TANC2: variants seen among roughly 807,000 people sequenced by gnomAD.
TANC2 encodes the protein protein TANC2.
TANC2 carries 26 observed loss-of-function variants against 210.5 expected under a neutral mutation model. The observed-to-expected ratio is 0.12, with a 90% CI of 0.09 to 0.17. The LOEUF is 0.17. Ranked by LOEUF, TANC2 falls within the 10% of genes least tolerant of loss-of-function variation. TANC2 has a pLI of 1.00. For missense variants in TANC2, 2,129 were observed against 2,608.9 expected, an observed-to-expected ratio of 0.82 and a Z score of 4.01; for synonymous variants, 931 against 967.1, an observed-to-expected ratio of 0.96 and a Z score of 0.69.
intron 2 of TANC2, among the ~76,000 whole-genome samples, chr17:63,063,906 TC>T (rs1447759091): frequency 3.3e-5 from 5 of 152,168 alleles, no homozygotes; most frequent in Admixed American, 6.5e-5. Flanking sequence ...GTGTCTTCCA[TC>T]AGTGTCTGAC....
chr17:63,389,056 C>G (rs1186945600), intron 16 of TANC2, among the ~76,000 whole-genome samples: 2 of 152,082 alleles, frequency 1.3e-5, no homozygotes, highest in Non-Finnish European at 2.9e-5. Context: ...ACCAAGAGCT[C>G]ACTTCGTAGA....
chr17:63,146,287 C>T (rs1201121794), intron 4 of TANC2, among the ~76,000 whole-genome samples: 3 of 151,808 alleles, frequency 2.0e-5, no homozygotes, highest in African/African-American at 7.3e-5. Context: ...TTTATTAGTT[C>T]CAGCAGGTAT....
chr17:63,374,280 C>A (rs2047361649), intron 14 of TANC2, among the ~76,000 whole-genome samples: 1 of 152,156 alleles, frequency 6.6e-6, no homozygotes, highest in Admixed American at 6.5e-5. Context: ...TCGAGCGACC[C>A]TCCCACCTTG....
At chr17:63,250,879 A>G (rs2043037631) in intron 8 of TANC2, among the ~76,000 whole-genome samples, 1 of 152,134 alleles carries the variant, frequency 6.6e-6, no homozygotes, top group South Asian at 2.1e-4. Flanking sequence ...AAAAAAGGAA[A>G]AGGGGGATCA....
chr17:63,382,612 A>AT (rs2047647797), intron 15 of TANC2, among the ~76,000 whole-genome samples: 1 of 152,150 alleles, frequency 6.6e-6, no homozygotes, highest in African/African-American at 2.4e-5. Flanking sequence ...TGCTTCAAAT[A>AT]TTTTTCTTTA....
chr17:63,147,153 C>T (rs1410116400), intron 4 of TANC2, among the ~76,000 whole-genome samples: 1 of 151,324 alleles, frequency 6.6e-6, no homozygotes, highest in Non-Finnish European at 1.5e-5. Context: ...GGCAACATGG[C>T]AAAACTCTGT....
At chr17:63,351,651 T>G (rs2046613353) in intron 13 of TANC2, among the ~76,000 whole-genome samples, 1 of 152,164 alleles carries the variant, frequency 6.6e-6, no homozygotes, top group Non-Finnish European at 1.5e-5. Context: ...AAAATGTTCC[T>G]CAAAATAGCA....
chr17:63,000,100 G>A (rs948856726), intron 1 of TANC2, among the ~76,000 whole-genome samples: 2 of 152,174 alleles, frequency 1.3e-5, no homozygotes, highest in African/African-American at 4.8e-5. Context: ...GGTGTGGAAG[G>A]TGAGGATCAA....
At chr17:63,233,788 G>A (rs754059251) in intron 7 of TANC2, among the ~76,000 whole-genome samples, 13 of 152,116 alleles carry the variant, frequency 8.5e-5, no homozygotes, top group Admixed American at 2.6e-4. Flanking sequence ...TAATTCTTAC[G>A]AACTTTGCTG....
intron 4 of TANC2, chr17:63,148,991 A>T (rs555218765): frequency 1.2e-4 from 19 of 152,274 alleles, no homozygotes; most frequent in African/African-American, 3.4e-4. Context: ...AAACAGTTTA[A>T]CTTTATTATT....
At chr17:63,154,356 G>A (rs1288334388) in intron 5 of TANC2, 3 of 152,046 alleles carry the variant, frequency 2.0e-5, no homozygotes, top group Non-Finnish European at 2.9e-5. Flanking sequence ...AATTCCATGA[G>A]CATTCCTTAC....
intron 4 of TANC2, among the ~76,000 whole-genome samples, chr17:63,121,362 T>C (rs908627594): frequency 1.3e-5 from 2 of 152,122 alleles, no homozygotes; most frequent in Non-Finnish European, 2.9e-5. Flanking sequence ...AAGAAAAATA[T>C]ATAGATAAAG....
chr17:63,329,825 C>T (rs1376842927), intron 11 of TANC2, among the ~76,000 whole-genome samples: 1 of 152,140 alleles, frequency 6.6e-6, no homozygotes, highest in Non-Finnish European at 1.5e-5. Context: ...CAATGAATAA[C>T]ATCATAATGG....
chr17:63,344,254 C>T (rs1212374412), intron 12 of TANC2, among the ~76,000 whole-genome samples: 1 of 152,222 alleles, frequency 6.6e-6, no homozygotes, highest in Non-Finnish European at 1.5e-5. Context: ...AAACCATCCT[C>T]TCCACCCTCC....
At chr17:62,971,115 T>C (rs1318635701) in intron 1 of TANC2, among the ~76,000 whole-genome samples, 2 of 152,170 alleles carry the variant, frequency 1.3e-5, no homozygotes, top group Non-Finnish European at 2.9e-5. Flanking sequence ...ACCGCTTGGT[T>C]TCTTTGAATA....
chr17:63,230,077 T>C (rs1189377540), intron 7 of TANC2, among the ~76,000 whole-genome samples: 3 of 152,212 alleles, frequency 2.0e-5, no homozygotes, highest in Non-Finnish European at 4.4e-5. Flanking sequence ...ATTACTGGTG[T>C]GAGCCACCGT....
At chr17:63,009,371 G>A (rs1416778121) in intron 1 of TANC2, among the ~76,000 whole-genome samples, 166 bp from the exon 2 acceptor site, 3 of 152,152 alleles carry the variant, frequency 2.0e-5, no homozygotes, top group Non-Finnish European at 4.4e-5. Flanking sequence ...AGCACATTAT[G>A]AAGAATGGGG....
In TANC2 at chr17:63,044,137, A is replaced by G. The variant is rs73991878; in HGVS notation, c.68-29806A>G. Among the ~76,000 whole-genome samples, 454 of 152,222 alleles carry G rather than the reference A, an allele frequency of 3.0e-3. 3 individuals are homozygous for G. The highest frequency in any genetic ancestry group is 0.01 in the African/African-American group (431 of 41,558). On this transcript the variant is annotated intron_variant, in intron 2 of 27. Transcript: ENST00000689528. ...ATATGTGCATTCCATTAGTTCTCCA[A>G]ATAAAACATGGCTTGGTTTTTTACT...
intron 2 of TANC2, among the ~76,000 whole-genome samples, chr17:63,018,574 C>A (rs2034215217): frequency 6.6e-6 from 1 of 151,964 alleles, no homozygotes; most frequent in South Asian, 2.1e-4. Context: ...TGGGTTCCCC[C>A]AGTGGTAATC....
Sources: allele counts gnomAD v4.1 joint callset (sites outside exome capture counted in the v4.1 genomes callset), GRCh38; gene constraint gnomAD v4.1.1; transcripts MANE v1.5; gene names NCBI Gene and HGNC (gene_info 2026-07-23, HGNC 2026-07-21).